Variants in TPGS2 observed in about 807,000 individuals in gnomAD.
TPGS2 encodes the protein polyglutamylase subunit 2.
A neutral mutation model predicts 31.1 loss-of-function variants in TPGS2; 26 were observed. The ratio of observed to expected loss-of-function variants is 0.84; its 90% CI spans 0.61 to 1.16. The LOEUF (loss-of-function observed/expected upper bound fraction) is 1.16, where lower values mean the gene tolerates loss of function less well. Ranked by LOEUF, TPGS2 falls within the 50% of genes most tolerant of loss-of-function variation. TPGS2 has a pLI of 0.00. For synonymous variants in TPGS2, 130 were observed against 136.6 expected (o/e 0.95, Z 0.34); for missense variants, 351 against 363.8 (o/e 0.96, Z 0.29).
intron 1 of TPGS2, 41 bp from the exon 2 acceptor site, chr18:36,819,014 G>A (rs776922559): frequency 1.1e-5 from 17 of 1,523,588 alleles, no homozygotes; most frequent in Non-Finnish European, 1.3e-5. Flanking sequence ...CAATTGGTCC[G>A]CTGTCATACA....
intron 1 of TPGS2, among the ~76,000 whole-genome samples, chr18:36,823,460 G>GTT (rs919277214): frequency 3.3e-4 from 36 of 108,086 alleles, no homozygotes; most frequent in Admixed American, 4.2e-4. Flanking sequence ...TTAACAGCTT[G>GTT]TTTTTTTTTT....
At chr18:36,800,145 G>T (rs1190920036) in intron 5 of TPGS2, 53 bp downstream of exon 5, 4 of 1,522,992 alleles carry the variant, frequency 2.6e-6, no homozygotes, top group Non-Finnish European at 3.6e-6. Flanking sequence ...GACAAGCAAG[G>T]TCAGGCAAGA....
downstream of TPGS2, among the ~76,000 whole-genome samples, chr18:36,792,107 C>T (rs1022987292): frequency 6.6e-6 from 1 of 151,762 alleles, no homozygotes; most frequent in Non-Finnish European, 1.5e-5. Context: ...ATTGGAAATC[C>T]ACTTCGTGTC....
intron 1 of TPGS2, among the ~76,000 whole-genome samples, chr18:36,824,501 T>C (rs994035120): frequency 3.9e-5 from 6 of 152,234 alleles, no homozygotes; most frequent in African/African-American, 1.4e-4. Flanking sequence ...CCACCAGCAG[T>C]GTATGATATC....
intron 3 of TPGS2, chr18:36,807,526 A>T (rs2045214859): frequency 3.1e-6 from 1 of 321,008 alleles, no homozygotes. Flanking sequence ...GCTTGGAGGT[A>T]GAGCCCTCTG....
intron 1 of TPGS2, among the ~76,000 whole-genome samples, chr18:36,826,407 T>TGTGTGG (rs1485174865): frequency 2.6e-5 from 1 of 38,312 alleles, no homozygotes; most frequent in African/African-American, 6.6e-5. Context: ...GTATAGGCTG[T>TGTGTGG]GTGTGTGTGT....
At chr18:36,807,970 C>T in intron 2 of TPGS2, 36 bp from the exon 3 acceptor site, 2 of 1,608,956 alleles carry the variant, frequency 1.2e-6, no homozygotes, top group South Asian at 1.1e-5. Flanking sequence ...TAGGTAAGGG[C>T]TGGGAAAGAG....
At chr18:36,811,987 G>A (rs1042951560) in intron 2 of TPGS2, among the ~76,000 whole-genome samples, 14 of 152,082 alleles carry the variant, frequency 9.2e-5, no homozygotes, top group African/African-American at 3.4e-4. Context: ...AATTACTGCT[G>A]GACATTAAAA....
chr18:36,810,626 GAACT>G (rs1334537175), intron 2 of TPGS2, among the ~76,000 whole-genome samples: 1 of 152,180 alleles, frequency 6.6e-6, no homozygotes, highest in Non-Finnish European at 1.5e-5. Flanking sequence ...ACTGGTATCT[GAACT>G]AACAGCTGAT....
chr18:36,782,863 G>A (rs1218298888), downstream of TPGS2: 1 of 381,008 alleles, frequency 2.6e-6, no homozygotes, highest in East Asian at 3.7e-5. Flanking sequence ...CAGTAACATG[G>A]GAGGAACATC....
chr18:36,784,975 GT>G (rs1211894012), intron 6 of TPGS2, among the ~76,000 whole-genome samples: 1 of 152,144 alleles, frequency 6.6e-6, no homozygotes, highest in Non-Finnish European at 1.5e-5. Context: ...TGGAGGCCTA[GT>G]CGTGTACAGG....
At chr18:36,823,981 T>A (rs1014272236) in intron 1 of TPGS2, 2 of 543,928 alleles carry the variant, frequency 3.7e-6, no homozygotes, top group African/African-American at 4.1e-5. Context: ...GATTTTTATA[T>A]TCAGAGTTAT....
chr18:36,815,260 G>A (rs926834143), intron 2 of TPGS2, among the ~76,000 whole-genome samples: 3 of 152,190 alleles, frequency 2.0e-5, no homozygotes, highest in Non-Finnish European at 4.4e-5. Context: ...GTAACCTCTA[G>A]GGTGAGAAAG....
rs2044519700 is a variant in TPGS2 at position 36,796,241 on chromosome 18, G to A, written c.*564C>T. The A allele has an allele frequency of 3.0e-6, 3 of 985,404 alleles. No individual in the cohort carries two copies. Among genetic ancestry groups the A allele is most frequent in the Middle Eastern group, 5.2e-4 (1 of 1,914 alleles). The allele number at this position is 985,404 out of a possible 1,614,324, so 61.0% of individuals were successfully genotyped here. A position where few individuals can be genotyped will look rare whatever the true frequency, so the allele number is the denominator to read the frequency against. On this transcript the variant is annotated 3_prime_UTR_variant, in exon 7 of 7. Transcript: ENST00000334295. ...AACAACAAAAATTAATTGAGGAAGA[G>A]CAGTATGAAAATATTCTAATGCAGT...
chr18:36,789,876 C>T (rs527615980), downstream of TPGS2: 21 of 152,770 alleles, frequency 1.4e-4, no homozygotes, highest in Middle Eastern at 3.4e-3. Flanking sequence ...ATGTGCCTTT[C>T]GCCTTCTGCC....
intron 2 of TPGS2, among the ~76,000 whole-genome samples, chr18:36,808,224 G>A (rs1243073339): frequency 6.6e-6 from 1 of 152,178 alleles, no homozygotes; most frequent in African/African-American, 2.4e-5. Context: ...AGCTGAAGAG[G>A]AGACAGGGGA....
chr18:36,792,718 T>C (rs1167467272), downstream of TPGS2, among the ~76,000 whole-genome samples: 1 of 152,176 alleles, frequency 6.6e-6, no homozygotes, highest in Non-Finnish European at 1.5e-5. Context: ...TCTAGTGGCA[T>C]TGGTGCATGT....
At chr18:36,823,462 T>TTTTTTTG (rs1248875248) in intron 1 of TPGS2, among the ~76,000 whole-genome samples, 1 of 133,760 alleles carries the variant, frequency 7.5e-6, no homozygotes, top group African/African-American at 2.9e-5. Flanking sequence ...AACAGCTTGT[T>TTTTTTTG]TTTTTTTTTT....
rs1332570648 is a variant in TPGS2, at chr18:36,828,909, G to T, written c.-142C>A. On this transcript the variant is annotated 5_prime_UTR_variant, in exon 1 of 7. Transcript: ENST00000334295. ...GGCGCAGTGATGATGGGGGCCCGGG[G>T]TTGGTCTGACAGCAGCAGCTCCGTG... The T allele has an allele frequency of 7.2e-6, 8 of 1,107,148 alleles. No homozygotes were observed. Among genetic ancestry groups the T allele is most frequent in the Non-Finnish European group, 1.0e-5 (8 of 789,656 alleles). 68.6% of individuals were successfully genotyped at this position (1,107,148 alleles called of 1,614,324 possible).
Sources: gnomAD v4.1 joint callset for allele counts (sites outside exome capture counted in the v4.1 genomes callset) on GRCh38, gnomAD v4.1.1 for gene constraint, MANE v1.5 for transcripts, NCBI Gene and HGNC (gene_info 2026-07-23, HGNC 2026-07-21) for gene names.